Variants in SLC16A1 observed in about 807,000 individuals in gnomAD.
SLC16A1 encodes solute carrier family 16 member 1, also known as monocarboxylate transporter 1.
SLC16A1 carries 11 observed loss-of-function variants against 32.2 expected under a neutral mutation model. The observed-to-expected ratio is 0.34, with a 90% CI of 0.21 to 0.56. The LOEUF (loss-of-function observed/expected upper bound fraction) is 0.56, where lower values mean the gene tolerates loss of function less well. Among genes scored for constraint, SLC16A1 ranks in the 20% least tolerant of loss-of-function variants. SLC16A1 has a pLI of 0.87. For missense variants in SLC16A1, 435 were observed against 615.0 expected (o/e 0.71, Z 3.10); for synonymous variants, 231 against 226.8 (o/e 1.02, Z -0.17).
Position 112,914,031 on chromosome 1 carries a change from T to G in SLC16A1, c.1363A>C (p.Asn455His). 6.2e-7 allele frequency: 1 copy of G among 1,614,214 alleles called. No individual in the cohort carries two copies. Among genetic ancestry groups the G allele is most frequent in the Non-Finnish European group, 8.5e-7 (1 of 1,180,032 alleles). The part of the protein sequence containing the change: ...YRLLAKEQKA[N>H]EQKKESKEEE... ...TCTTTACTTTCCTTTTTCTGCTCGT[T>G]TGCTTTCTGTTCTTTTGCCAAAAGT... The change falls in exon 5 of 5, where the codon AAC becomes CAC. Residue 455 changes from asparagine (N) to histidine (H), a missense_variant. Asn to His is a moderately conservative substitution (Grantham distance 68). Transcript: ENST00000369626.
At chr1:112,940,388 G>GT (rs1249408963) in intron 1 of SLC16A1, among the ~76,000 whole-genome samples, 1 of 152,010 alleles carries the variant, frequency 6.6e-6, no homozygotes, top group African/African-American at 2.4e-5. Flanking sequence ...GACCTCAATC[G>GT]TGAGAGAGTC....
At position 112,945,952 on chromosome 1, in the gene SLC16A1, T is replaced by C. The variant is rs148769957; in HGVS notation, c.-45+10083A>G. On this transcript the variant is annotated intron_variant, in intron 1 of 4. Coordinates refer to ENST00000369626, the MANE Select transcript of SLC16A1 (RefSeq NM_003051.4). ...ATTGAGGTGAGCCAAGATCATGCCA[T>C]TGGACTCCAGCCTGGGCAACAAGAG... Among the ~76,000 whole-genome samples, 893 of 151,100 alleles carry C rather than the reference T, an allele frequency of 5.9e-3. 12 individuals are homozygous for C. The highest frequency in any genetic ancestry group is 0.021 in the African/African-American group (864 of 41,202).
intron 2 of SLC16A1, among the ~76,000 whole-genome samples, chr1:112,926,647 G>C (rs542976577): frequency 1.3e-5 from 2 of 152,262 alleles, no homozygotes; most frequent in East Asian, 3.9e-4. Flanking sequence ...GCCAAGGTGG[G>C]CAGATTGTTT....
At chr1:112,945,074 T>C (rs1021761299) in intron 1 of SLC16A1, among the ~76,000 whole-genome samples, 2 of 151,172 alleles carry the variant, frequency 1.3e-5, no homozygotes, top group Non-Finnish European at 1.5e-5. Context: ...TCTCGGCTCA[T>C]TGAAACCTCC....
chr1:112,917,887 T>A lies in SLC16A1; in HGVS notation c.519A>T (p.Gly173=). ...PLNQVFFGIF[G]WRGSFLILGG... is the part of the protein sequence containing the mutation. ...CAAGAATTAGAAAGCTTCCTCTCCATCCAAAGATACCGAAGAAAACCTGAT... is the reference window on the plus strand; with the variant it reads ...CAAGAATTAGAAAGCTTCCTCTCCAACCAAAGATACCGAAGAAAACCTGAT... Residue 173 remains glycine, a synonymous_variant, in exon 4 of 5, where the codon GGA becomes GGT. Transcript: ENST00000369626. This position sits in a 1 kb window ranked among gnomAD's most constrained non-coding sequence, Gnocchi z 4.1. The A allele has an allele frequency of 6.2e-7, 1 of 1,609,732 alleles. No individual in the cohort carries two copies. Among genetic ancestry groups the A allele is most frequent in the Non-Finnish European group, 8.5e-7 (1 of 1,178,112 alleles).
intron 3 of SLC16A1, among the ~76,000 whole-genome samples, chr1:112,921,122 CAG>C (rs1415733041): frequency 3.0e-5 from 4 of 134,594 alleles, no homozygotes; most frequent in African/African-American, 1.1e-4. Flanking sequence ...GCCTGGGAGA[CAG>C]AGCGAGACTC....
At chr1:112,932,785 C>A (rs2101637003) in intron 1 of SLC16A1, among the ~76,000 whole-genome samples, 1 of 113,572 alleles carries the variant, frequency 8.8e-6, no homozygotes, top group East Asian at 2.8e-4. Flanking sequence ...CAAGGGGAGA[C>A]TCCGTCGCAA....
chr1:112,949,884 G>T (rs1437332199), intron 1 of SLC16A1, among the ~76,000 whole-genome samples: 2 of 152,018 alleles, frequency 1.3e-5, no homozygotes, highest in East Asian at 3.9e-4. Context: ...AGATAGAACT[G>T]TCAAAATACT....
At chr1:112,935,038 CTG>C (rs913965886) in intron 1 of SLC16A1, among the ~76,000 whole-genome samples, 12 of 152,164 alleles carry the variant, frequency 7.9e-5, no homozygotes, top group Non-Finnish European at 1.3e-4. Flanking sequence ...TTAGAAAAAA[CTG>C]TGTATTTCTC....
chr1:112,929,445 C>T (rs1253477281), intron 1 of SLC16A1, 93 bp from the exon 2 acceptor site: 1 of 750,696 alleles, frequency 1.3e-6, no homozygotes, highest in South Asian at 1.6e-5. Flanking sequence ...CGTGGTGGAT[C>T]ATGCCTATTA....
At chr1:112,935,856 TTC>T (rs1270721668) in intron 1 of SLC16A1, 3 of 152,202 alleles carry the variant, frequency 2.0e-5, no homozygotes, top group African/African-American at 7.2e-5. Flanking sequence ...TTCTCCCCCA[TTC>T]TCTCTTTTCA....
chr1:112,920,502 A>T (rs1362761318), intron 3 of SLC16A1, among the ~76,000 whole-genome samples: 4 of 152,168 alleles, frequency 2.6e-5, no homozygotes, highest in African/African-American at 9.7e-5. Context: ...GCTACTTGGG[A>T]GGCTGCGGCA....
chr1:112,929,667 T>C (rs1649061872), intron 1 of SLC16A1, among the ~76,000 whole-genome samples: 1 of 152,036 alleles, frequency 6.6e-6, no homozygotes, highest in African/African-American at 2.4e-5. Flanking sequence ...GCAACATAAG[T>C]AGACCCCAAC....
At chr1:112,938,007 C>CT (rs1649367038) in intron 1 of SLC16A1, among the ~76,000 whole-genome samples, 1 of 152,146 alleles carries the variant, frequency 6.6e-6, no homozygotes, top group Non-Finnish European at 1.5e-5. Context: ...CGAAGCTGTG[C>CT]TCCATACCTG....
chr1:112,948,016 C>T (rs530192415), intron 1 of SLC16A1, among the ~76,000 whole-genome samples: 3 of 152,210 alleles, frequency 2.0e-5, no homozygotes, highest in South Asian at 2.1e-4. Flanking sequence ...GTCAGGAGTT[C>T]GAGAACAGCT....
At chr1:112,942,299 G>T (rs1649537273) in intron 1 of SLC16A1, among the ~76,000 whole-genome samples, 1 of 152,262 alleles carries the variant, frequency 6.6e-6, no homozygotes, top group East Asian at 1.9e-4. Context: ...CCTTGTGAAT[G>T]ACTTTTGGTG....
rs954689632 is a variant in SLC16A1, at chr1:112,913,364, T to C, written c.*527A>G. On this transcript the variant is annotated 3_prime_UTR_variant, in exon 5 of 5. Coordinates refer to ENST00000369626, the MANE Select transcript of SLC16A1 (RefSeq NM_003051.4). ...CAGAAATCTACTGATGCTAGGAAAA[T>C]ATTTTTGTCAGCATTTTGTAAAATC... is the stretch of plus-strand genomic sequence containing the variant. 1.3e-5 allele frequency: 2 copies of C among 158,924 alleles called. No individual in the cohort carries two copies. The highest frequency in any genetic ancestry group is 4.8e-5 in the African/African-American group (2 of 41,462). The allele number at this position is 158,924 out of a possible 1,614,324, so 9.8% of individuals were successfully genotyped here.
rs1398455240 is a variant in SLC16A1, at chr1:112,952,571, G to A, written c.-45+3464C>T. 2.0e-5 allele frequency among the ~76,000 whole-genome samples: 3 copies of A among 152,264 alleles called. No homozygotes were observed. In the East Asian group the frequency reaches 5.8e-4, roughly 29 times the overall value. On this transcript the variant is annotated intron_variant, in intron 1 of 4. Coordinates refer to ENST00000369626, the MANE Select transcript of SLC16A1 (RefSeq NM_003051.4). ...ATGGCATTGTGGTTATGACTTTCTC[G>A]AGAGTTATCTTTCAGATATCTATAT...
intron 4 of SLC16A1, among the ~76,000 whole-genome samples, chr1:112,916,303 G>A (rs575486867): frequency 8.1e-4 from 122 of 150,542 alleles, no homozygotes; most frequent in African/African-American, 2.9e-3. Context: ...AGTTCAAGAC[G>A]AGCCTGGCCA....
Sources: gnomAD v4.1 joint callset for allele counts (sites outside exome capture counted in the v4.1 genomes callset) on GRCh38, gnomAD v4.1.1 for gene constraint, Gnocchi (gnomAD v3.1) non-coding constraint, MANE v1.5 for transcripts, NCBI Gene and HGNC (gene_info 2026-07-23, HGNC 2026-07-21) for gene names.